The following CPNE8 variants were observed in gnomAD, a reference collection of about 807,000 sequenced individuals.
The protein encoded by CPNE8 is copine-8.
In CPNE8, 45 loss-of-function variants were observed where a neutral mutation model predicts 81.5. The observed-to-expected ratio is 0.55, with a 90% CI of 0.44 to 0.71. The LOEUF (loss-of-function observed/expected upper bound fraction) is 0.71, where lower values mean the gene tolerates loss of function less well. Among genes scored for constraint, CPNE8 ranks in the 30% least tolerant of loss-of-function variants. The pLI is 0.00. For synonymous variants in CPNE8, 252 were observed against 226.3 expected, an observed-to-expected ratio of 1.11 and a Z score of -1.02; for missense variants, 594 against 672.1, an observed-to-expected ratio of 0.88 and a Z score of 1.28.
At chr12:38,848,508 T>C (rs1943592979) in intron 4 of CPNE8, 51 bp downstream of exon 4, 4 of 1,521,846 alleles carry the variant, frequency 2.6e-6, no homozygotes, top group Admixed American at 2.4e-5. Flanking sequence ...ACATTAGTAA[T>C]ATTGTCTTTA....
At chr12:38,822,784 TA>T (rs1413015652) in intron 6 of CPNE8, among the ~76,000 whole-genome samples, 1 of 152,140 alleles carries the variant, frequency 6.6e-6, no homozygotes, top group Admixed American at 6.5e-5. Context: ...AGTATAGATG[TA>T]AAAACGGCCT....
chr12:38,787,972 GAAAA>G (rs35455026), intron 6 of CPNE8, among the ~76,000 whole-genome samples: 2 of 93,822 alleles, frequency 2.1e-5, no homozygotes, highest in African/African-American at 4.7e-5. Context: ...AAGTCTCCCA[GAAAA>G]AAAAAAAAAA....
intron 3 of CPNE8, among the ~76,000 whole-genome samples, chr12:38,850,465 G>A (rs1223141023): frequency 6.6e-6 from 1 of 152,150 alleles, no homozygotes; most frequent in Non-Finnish European, 1.5e-5. Flanking sequence ...CTCAGCAATA[G>A]GAGTGACTGA....
At chr12:38,846,212 A>T (rs997693211) in intron 4 of CPNE8, among the ~76,000 whole-genome samples, 16 of 152,176 alleles carry the variant, frequency 1.1e-4, no homozygotes, top group African/African-American at 3.1e-4. Context: ...CAGGGAAGTA[A>T]CAAAGCTTAT....
At chr12:38,832,260 A>T (rs772215446) in intron 5 of CPNE8, among the ~76,000 whole-genome samples, 1 of 152,176 alleles carries the variant, frequency 6.6e-6, no homozygotes, top group African/African-American at 2.4e-5. Flanking sequence ...AGCACGGGAA[A>T]GGGTGTGTGG....
intron 3 of CPNE8, among the ~76,000 whole-genome samples, chr12:38,861,830 A>G (rs1244121213): frequency 6.6e-6 from 1 of 152,160 alleles, no homozygotes; most frequent in African/African-American, 2.4e-5. Context: ...TTATAAAACC[A>G]AAATTACTAG....
At chr12:38,870,694 T>C (rs1241383903) in intron 3 of CPNE8, among the ~76,000 whole-genome samples, 1 of 152,012 alleles carries the variant, frequency 6.6e-6, no homozygotes, top group Non-Finnish European at 1.5e-5. Context: ...CTAATGTAGA[T>C]GACGGGTTGA....
At chr12:38,755,849 G>A (rs952858147) in intron 10 of CPNE8, among the ~76,000 whole-genome samples, 1 of 151,624 alleles carries the variant, frequency 6.6e-6, no homozygotes, top group African/African-American at 2.4e-5. Flanking sequence ...GACCATCCCG[G>A]CTAAAACGGT....
intron 6 of CPNE8, among the ~76,000 whole-genome samples, chr12:38,786,142 CA>C (rs1306543990): frequency 6.6e-6 from 1 of 152,058 alleles, no homozygotes; most frequent in Non-Finnish European, 1.5e-5. Context: ...AAACAAAGCC[CA>C]ATGTTCTGTT....
At chr12:38,692,733 T>G (rs1204472259) in intron 15 of CPNE8, among the ~76,000 whole-genome samples, 1 of 152,166 alleles carries the variant, frequency 6.6e-6, no homozygotes, top group Non-Finnish European at 1.5e-5. Flanking sequence ...CAATTATTTC[T>G]TTTCTTAGGT....
chr12:38,835,963 G>A (rs1408859987), intron 5 of CPNE8, among the ~76,000 whole-genome samples: 1 of 151,994 alleles, frequency 6.6e-6, no homozygotes, highest in Non-Finnish European at 1.5e-5. Context: ...AGTATATAGA[G>A]TACAGTTTCT....
At chr12:38,752,762 A>C (rs1317210183) in intron 10 of CPNE8, among the ~76,000 whole-genome samples, 1 of 152,238 alleles carries the variant, frequency 6.6e-6, no homozygotes, top group Non-Finnish European at 1.5e-5. Flanking sequence ...CCAGAATTAG[A>C]ATTTAATTTG....
At chr12:38,748,120 C>T (rs936418023) in intron 10 of CPNE8, among the ~76,000 whole-genome samples, 8 of 152,026 alleles carry the variant, frequency 5.3e-5, no homozygotes, top group Non-Finnish European at 5.9e-5. Context: ...AAGCGATTCT[C>T]CTGCCTCAGC....
At chr12:38,797,242 T>A (rs1051337027) in intron 6 of CPNE8, among the ~76,000 whole-genome samples, 1 of 152,102 alleles carries the variant, frequency 6.6e-6, no homozygotes, top group Non-Finnish European at 1.5e-5. Context: ...GCAGACTGCC[T>A]CCTCAACTGC....
At chr12:38,731,230 T>A (rs990063818) in intron 10 of CPNE8, among the ~76,000 whole-genome samples, 4 of 151,898 alleles carry the variant, frequency 2.6e-5, no homozygotes, top group African/African-American at 7.2e-5. Context: ...GAAAGCAATA[T>A]AACAAACATA....
At chr12:38,860,895 A>C (rs1265645648) in intron 3 of CPNE8, among the ~76,000 whole-genome samples, 1 of 152,224 alleles carries the variant, frequency 6.6e-6, no homozygotes. Flanking sequence ...TCAGTTACGA[A>C]AAATGAGTAA....
At chr12:38,666,695 A>T (rs1939063164) in intron 19 of CPNE8, among the ~76,000 whole-genome samples, 1 of 152,186 alleles carries the variant, frequency 6.6e-6, no homozygotes, top group African/African-American at 2.4e-5. Context: ...TTCTGTGTGT[A>T]TTTAGCTAAA....
intron 8 of CPNE8, among the ~76,000 whole-genome samples, chr12:38,765,155 C>CAT (rs1239226096): frequency 1.3e-5 from 2 of 152,092 alleles, no homozygotes; most frequent in Non-Finnish European, 2.9e-5. Context: ...TATTAGATAT[C>CAT]ATATATATAG....
chr12:38,659,117 C>G (rs2136632389), intron 19 of CPNE8, among the ~76,000 whole-genome samples: 1 of 151,606 alleles, frequency 6.6e-6, no homozygotes, highest in African/African-American at 2.4e-5. Flanking sequence ...ACTGGATAGT[C>G]AAGACCCATC....
Sources: gnomAD v4.1 joint callset for allele counts (sites outside exome capture counted in the v4.1 genomes callset) on GRCh38, gnomAD v4.1.1 for gene constraint, MANE v1.5 for transcripts, NCBI Gene and HGNC (gene_info 2026-07-23, HGNC 2026-07-21) for gene names.